Variants in DCC observed in about 807,000 individuals in gnomAD.
DCC encodes the protein DCC netrin 1 receptor.
A neutral mutation model predicts 172.5 loss-of-function variants in DCC; 58 were observed. The observed-to-expected ratio is 0.34, with a 90% CI of 0.27 to 0.42. DCC has a LOEUF of 0.42. DCC is among the 10% of genes least tolerant of loss of function. DCC has a pLI of 1.00. For missense variants in DCC, 1,740 were observed against 1,791.0 expected (o/e 0.97, Z 0.51); for synonymous variants, 709 against 644.5 (o/e 1.10, Z -1.52).
At chr18:52,847,100 G>A (rs989252066) in intron 2 of DCC, among the ~76,000 whole-genome samples, 14 of 152,174 alleles carry the variant, frequency 9.2e-5, no homozygotes, top group East Asian at 3.9e-4. Context: ...TTCTCTTTTC[G>A]TCTATTCCTT....
At chr18:52,712,003 C>A (rs1403332877) in intron 1 of DCC, among the ~76,000 whole-genome samples, 1 of 151,722 alleles carries the variant, frequency 6.6e-6, no homozygotes, top group Non-Finnish European at 1.5e-5. Context: ...CACTCTGTCA[C>A]CAGGCTGGAG....
intron 1 of DCC, among the ~76,000 whole-genome samples, chr18:52,524,590 A>T (rs574444770): frequency 6.6e-6 from 1 of 152,324 alleles, no homozygotes; most frequent in East Asian, 1.9e-4. Flanking sequence ...TAGCTACCAC[A>T]TCTGACAATT....
intron 9 of DCC, among the ~76,000 whole-genome samples, chr18:53,184,122 G>A (rs550432677): frequency 2.6e-5 from 4 of 151,914 alleles, no homozygotes; most frequent in African/African-American, 4.8e-5. Context: ...GGGTAAATAA[G>A]GCTAATATAA....
intron 5 of DCC, among the ~76,000 whole-genome samples, chr18:52,937,538 G>C (rs1314921610): frequency 6.6e-6 from 1 of 152,060 alleles, no homozygotes; most frequent in Non-Finnish European, 1.5e-5. Flanking sequence ...GTGAGACAAG[G>C]TCTCTCTGTT....
intron 1 of DCC, among the ~76,000 whole-genome samples, chr18:52,525,264 G>A (rs1011904511): frequency 2.0e-5 from 3 of 151,826 alleles, no homozygotes; most frequent in African/African-American, 2.4e-5. Flanking sequence ...TGTATCTGTT[G>A]GTAGGTTGCT....
chr18:52,882,191 G>T (rs1043435345), intron 2 of DCC, among the ~76,000 whole-genome samples: 3 of 149,164 alleles, frequency 2.0e-5, no homozygotes, highest in African/African-American at 7.3e-5. Context: ...AGTTGTTTTA[G>T]GGATCCTTTA....
intron 25 of DCC, among the ~76,000 whole-genome samples, chr18:53,476,524 C>T (rs1197988104): frequency 3.9e-5 from 6 of 152,202 alleles, no homozygotes; most frequent in African/African-American, 7.2e-5. Flanking sequence ...TTTTCTGCTG[C>T]CATGTGAGAT....
intron 1 of DCC, among the ~76,000 whole-genome samples, chr18:52,610,180 T>A (rs1023085669): frequency 0.096 from 816 of 8,494 alleles, 178 homozygotes; most frequent in Non-Finnish European, 0.11. Flanking sequence ...AAAAAAAAAA[T>A]ATATATATAT....
chr18:52,541,897 G>GTGTATATATATATATATATATA (rs2032470530), intron 1 of DCC, among the ~76,000 whole-genome samples: 1 of 43,462 alleles, frequency 2.3e-5, no homozygotes, highest in Non-Finnish European at 6.0e-5. Context: ...ATATATATAT[G>GTGTATATATATATATATATATA]TGTATATATA....
At chr18:52,739,349 A>G (rs1038682473) in intron 1 of DCC, among the ~76,000 whole-genome samples, 10 of 152,070 alleles carry the variant, frequency 6.6e-5, no homozygotes, top group African/African-American at 2.2e-4. Context: ...GTTTTTGTCT[A>G]TCTATGTTTG....
chr18:52,641,430 C>T (rs747560129), intron 1 of DCC, among the ~76,000 whole-genome samples: 3 of 152,024 alleles, frequency 2.0e-5, no homozygotes, highest in Non-Finnish European at 4.4e-5. Context: ...ACAGACAATC[C>T]ACAGAGTGGG....
At chr18:53,121,292 T>C (rs1488087404) in intron 7 of DCC, among the ~76,000 whole-genome samples, 1 of 151,930 alleles carries the variant, frequency 6.6e-6, no homozygotes, top group Non-Finnish European at 1.5e-5. Context: ...CACTCTGAAA[T>C]ACAAAATATC....
chr18:52,608,326 C>A (rs1204321478), intron 1 of DCC, among the ~76,000 whole-genome samples: 2 of 152,156 alleles, frequency 1.3e-5, no homozygotes, highest in Admixed American at 1.3e-4. Context: ...AGCTTGAAAT[C>A]TTTACATATA....
chr18:53,168,269 G>A (rs970962191), intron 8 of DCC, among the ~76,000 whole-genome samples: 11 of 152,130 alleles, frequency 7.2e-5, no homozygotes, highest in African/African-American at 1.9e-4. Flanking sequence ...GCACACGTGT[G>A]TTTATTGCGG....
intron 1 of DCC, among the ~76,000 whole-genome samples, chr18:52,456,058 T>C (rs1988448189): frequency 6.6e-6 from 1 of 152,220 alleles, no homozygotes; most frequent in South Asian, 2.1e-4. Context: ...TCCTGTAGCA[T>C]GTGCTGCATC....
intron 1 of DCC, among the ~76,000 whole-genome samples, chr18:52,549,775 G>A (rs1271844275): frequency 6.6e-6 from 1 of 151,666 alleles, no homozygotes; most frequent in Non-Finnish European, 1.5e-5. Context: ...GATTTGTATG[G>A]CTAACATTTA....
At chr18:52,370,702 T>G (rs570436864) in intron 1 of DCC, among the ~76,000 whole-genome samples, 1 of 152,280 alleles carries the variant, frequency 6.6e-6, no homozygotes, top group South Asian at 2.1e-4. Context: ...TCTACACATG[T>G]ACCCTGCAAC....
intron 5 of DCC, among the ~76,000 whole-genome samples, chr18:52,996,815 C>T (rs1246531430): frequency 2.1e-5 from 3 of 143,080 alleles, no homozygotes; most frequent in Non-Finnish European, 4.5e-5. Flanking sequence ...GTTAGAAACA[C>T]ACACACATCT....
intron 1 of DCC, among the ~76,000 whole-genome samples, chr18:52,720,153 C>A (rs1485650578): frequency 2.0e-5 from 3 of 152,112 alleles, no homozygotes; most frequent in South Asian, 4.1e-4. Context: ...GCTACTGCAG[C>A]CAGTCAGCTG....
Sources: allele counts gnomAD v4.1 joint callset (sites outside exome capture counted in the v4.1 genomes callset), GRCh38; gene constraint gnomAD v4.1.1; transcripts MANE v1.5; gene names NCBI Gene and HGNC (gene_info 2026-07-23, HGNC 2026-07-21).